LPP: variants seen among roughly 807,000 people sequenced by gnomAD.
LPP encodes the protein LIM domain containing preferred translocation partner in lipoma, also known as lipoma-preferred partner.
A neutral mutation model predicts 60.4 loss-of-function variants in LPP; 38 were observed. The ratio of observed to expected loss-of-function variants is 0.63; its 90% CI spans 0.49 to 0.83. The LOEUF (loss-of-function observed/expected upper bound fraction) is 0.83. Ranked by LOEUF, LPP falls within the 40% of genes least tolerant of loss-of-function variation. LPP has a pLI of 0.00. For missense variants in LPP, 902 were observed against 783.6 expected, an observed-to-expected ratio of 1.15 and a Z score of -1.80; for synonymous variants, 328 against 290.8, an observed-to-expected ratio of 1.13 and a Z score of -1.30.
At chr3:188,382,584 C>T (rs997278118) in intron 3 of LPP, among the ~76,000 whole-genome samples, 4 of 152,012 alleles carry the variant, frequency 2.6e-5, no homozygotes, top group African/African-American at 9.7e-5. Flanking sequence ...TTTGTTTTTT[C>T]CCACTCTCTG....
At chr3:188,367,557 G>C (rs1771591366) in intron 3 of LPP, among the ~76,000 whole-genome samples, 1 of 152,172 alleles carries the variant, frequency 6.6e-6, no homozygotes, top group African/African-American at 2.4e-5. Context: ...AAATGTACAA[G>C]TTCCTAATTG....
chr3:188,265,804 T>G (rs373907967), intron 2 of LPP, among the ~76,000 whole-genome samples: 1 of 150,292 alleles, frequency 6.7e-6, no homozygotes, highest in South Asian at 2.1e-4. Flanking sequence ...GGAGGCTTCT[T>G]TTTTTTTTGG....
intron 2 of LPP, among the ~76,000 whole-genome samples, chr3:188,249,493 T>C (rs993107636): frequency 1.3e-5 from 2 of 151,656 alleles, no homozygotes; most frequent in African/African-American, 4.8e-5. Flanking sequence ...GGAAAGAAAA[T>C]ATACAAAAAT....
rs774794008 is a variant in LPP at position 188,319,397 on chromosome 3, A to C, written c.-66-22266A>C. On this transcript the variant is annotated intron_variant, in intron 2 of 11. Coordinates refer to ENST00000617246, the MANE Select transcript of LPP (RefSeq NM_001375462.1). The stretch of plus-strand genomic sequence containing the variant: ...TGGCACAGTTGGTCTTTCTCATCTT[A>C]TTCATTCATTCATTTATTTCATTTT... 5.3e-5 allele frequency among the ~76,000 whole-genome samples: 8 copies of C among 152,202 alleles called. 1 individual carries two copies. In the South Asian group the frequency reaches 1.5e-3, roughly 28 times the overall value.
At chr3:188,248,645 C>T (rs1049191296) in intron 2 of LPP, among the ~76,000 whole-genome samples, 1 of 151,068 alleles carries the variant, frequency 6.6e-6, no homozygotes, top group Non-Finnish European at 1.5e-5. Flanking sequence ...TTTGTTTTTT[C>T]CCTTTCCAAA....
intron 2 of LPP, among the ~76,000 whole-genome samples, chr3:188,276,078 CA>C (rs1419436089): frequency 6.6e-6 from 1 of 152,194 alleles, no homozygotes; most frequent in Non-Finnish European, 1.5e-5. Context: ...AATGATTTGG[CA>C]AAAGTATGCT....
intron 2 of LPP, among the ~76,000 whole-genome samples, chr3:188,297,284 C>A (rs1338352217): frequency 6.6e-6 from 1 of 152,202 alleles, no homozygotes; most frequent in African/African-American, 2.4e-5. Context: ...ATAACAACCA[C>A]CCCTCAGTGC....
chr3:188,735,392 A>T (rs910813297), intron 8 of LPP, among the ~76,000 whole-genome samples: 5 of 151,364 alleles, frequency 3.3e-5, no homozygotes, highest in African/African-American at 9.7e-5. Context: ...TATTATTATT[A>T]TTTTTTGAGA....
At chr3:188,265,587 G>C (rs1735202529) in intron 2 of LPP, among the ~76,000 whole-genome samples, 1 of 152,194 alleles carries the variant, frequency 6.6e-6, no homozygotes, top group Non-Finnish European at 1.5e-5. Flanking sequence ...GGAGGGCTTT[G>C]CTGTGGGGAT....
At chr3:188,447,607 C>CAAAA (rs59645249) in intron 4 of LPP, among the ~76,000 whole-genome samples, 1 of 114,778 alleles carries the variant, frequency 8.7e-6, no homozygotes, top group African/African-American at 3.3e-5. Context: ...GAGACTGCCT[C>CAAAA]AAAAAAAAAA....
At chr3:188,654,347 G>C (rs1164047928) in intron 7 of LPP, among the ~76,000 whole-genome samples, 1 of 152,148 alleles carries the variant, frequency 6.6e-6, no homozygotes, top group Non-Finnish European at 1.5e-5. Flanking sequence ...AGACATTCCT[G>C]ACAGAGGAAA....
In LPP at chr3:188,607,370, GATATATATATATATATATATATAT is replaced by G. The variant is rs10527365; in HGVS notation, c.430-1767_430-1744del. 2.7e-3 allele frequency among the ~76,000 whole-genome samples: 279 copies of G among 102,730 alleles called. 5 individuals carry two copies. Among genetic ancestry groups the G allele is most frequent in the East Asian group, 0.017 (83 of 4,822 alleles). 67.4% of individuals were successfully genotyped at this position (102,730 alleles called of 152,430 possible). On this transcript the variant is annotated intron_variant, in intron 6 of 11. Transcript: ENST00000617246. The stretch of plus-strand genomic sequence containing the variant: ...TATAACTGTATGTTTGAAAATAGAA[GATATATATATATATATATATATAT>G]ATATATATATATATATATATATAAT...
At chr3:188,412,738 G>T (rs563582691) in intron 4 of LPP, among the ~76,000 whole-genome samples, 1 of 152,190 alleles carries the variant, frequency 6.6e-6, no homozygotes, top group Middle Eastern at 3.4e-3. Context: ...AACCAGCTTT[G>T]TGAATATTGG....
At chr3:188,418,849 G>A (rs1787035913) in intron 4 of LPP, among the ~76,000 whole-genome samples, 1 of 152,110 alleles carries the variant, frequency 6.6e-6, no homozygotes, top group Admixed American at 6.5e-5. Context: ...CAGTTGAATT[G>A]TGTCATCTTG....
intron 9 of LPP, among the ~76,000 whole-genome samples, chr3:188,855,244 T>G (rs1196065920): frequency 6.6e-6 from 1 of 152,250 alleles, no homozygotes; most frequent in Non-Finnish European, 1.5e-5. Context: ...GTAAGAGGCC[T>G]TAGATTTTAG....
chr3:188,807,309 G>T (rs1299086712), intron 9 of LPP, among the ~76,000 whole-genome samples: 3 of 151,694 alleles, frequency 2.0e-5, no homozygotes, highest in African/African-American at 2.4e-5. Context: ...GTTTATTAGG[G>T]TTTTTAGTTT....
chr3:188,658,900 C>G (rs1170753233), intron 7 of LPP, among the ~76,000 whole-genome samples: 1 of 152,132 alleles, frequency 6.6e-6, no homozygotes, highest in African/African-American at 2.4e-5. Flanking sequence ...TGATGATACT[C>G]CAGAGCCCCA....
chr3:188,360,383 C>T (rs1768918723), intron 3 of LPP, among the ~76,000 whole-genome samples: 1 of 152,116 alleles, frequency 6.6e-6, no homozygotes, highest in Non-Finnish European at 1.5e-5. Context: ...CTATCTTAGT[C>T]CAAAGTCTTT....
At chr3:188,552,262 A>G (rs1197668950) in intron 6 of LPP, among the ~76,000 whole-genome samples, 1 of 152,156 alleles carries the variant, frequency 6.6e-6, no homozygotes, top group Non-Finnish European at 1.5e-5. Flanking sequence ...GCATTGGATA[A>G]ACTCAAGGAA....
Sources: allele counts gnomAD v4.1 joint callset (sites outside exome capture counted in the v4.1 genomes callset), GRCh38; gene constraint gnomAD v4.1.1; transcripts MANE v1.5; gene names NCBI Gene and HGNC (gene_info 2026-07-23, HGNC 2026-07-21).